DAB1: variants seen among roughly 807,000 people sequenced by gnomAD.
DAB1 encodes disabled homolog 1.
A neutral mutation model predicts 64.6 loss-of-function variants in DAB1; 15 were observed. The observed-to-expected ratio is 0.23, with a 90% CI of 0.16 to 0.36. The LOEUF is 0.36. Among genes scored for constraint, DAB1 ranks in the 10% least tolerant of loss-of-function variants. DAB1 has a pLI of 1.00. For missense variants in DAB1, 596 were observed against 706.7 expected (o/e 0.84, Z 1.78); for synonymous variants, 235 against 251.9 (o/e 0.93, Z 0.64).
At chr1:58,185,838 C>T (rs1421802325) in intron 4 of DAB1, among the ~76,000 whole-genome samples, 9 of 152,108 alleles carry the variant, frequency 5.9e-5, no homozygotes, top group African/African-American at 2.2e-4. Flanking sequence ...ATCTATATGA[C>T]CTTGGGCAAG....
intron 4 of DAB1, among the ~76,000 whole-genome samples, chr1:58,223,969 G>C (rs945421877): frequency 6.6e-6 from 1 of 152,166 alleles, no homozygotes; most frequent in Non-Finnish European, 1.5e-5. Flanking sequence ...TGGCCTATCT[G>C]CTCCTCCTGT....
At chr1:58,073,888 C>T (rs1649430474) in intron 5 of DAB1, among the ~76,000 whole-genome samples, 1 of 152,112 alleles carries the variant, frequency 6.6e-6, no homozygotes, top group African/African-American at 2.4e-5. Flanking sequence ...TGCTCACTCT[C>T]TAAGGGAAGC....
At chr1:57,502,493 T>C (rs1040669209) in intron 7 of DAB1, among the ~76,000 whole-genome samples, 6 of 152,138 alleles carry the variant, frequency 3.9e-5, no homozygotes, top group African/African-American at 1.4e-4. Context: ...TCCAATATCA[T>C]ATTTTACCCT....
intron 3 of DAB1, among the ~76,000 whole-genome samples, chr1:58,491,494 A>G (rs1359153860): frequency 5.3e-5 from 8 of 152,234 alleles, no homozygotes; most frequent in African/African-American, 1.9e-4. Context: ...GTCAAGACCC[A>G]TCAGTGTGCT....
rs113290720 is a variant in DAB1, at chr1:58,073,258, G to C, written n.387+77253C>G. ...TCACACATACTGTGTTGTCTGTCTG[G>C]AATACTGTTCTTTCCTCTCTCCTCT... On this transcript the variant is annotated intron_variant and non_coding_transcript_variant, in intron 5 of 20. Coordinates refer to the DAB1 transcript ENST00000485760. Among the ~76,000 whole-genome samples the C allele has an allele frequency of 8.0e-3, 1,224 of 152,190 alleles. 18 individuals are homozygous for C. The highest frequency in any genetic ancestry group is 0.026 in the African/African-American group (1,075 of 41,528).
chr1:57,625,193 A>G (rs969158929), intron 7 of DAB1, among the ~76,000 whole-genome samples: 6 of 151,976 alleles, frequency 3.9e-5, no homozygotes, highest in African/African-American at 1.2e-4. Context: ...TTCTTTTCAC[A>G]ACAGATTTCT....
At chr1:57,619,824 G>A (rs1435572725) in intron 7 of DAB1, among the ~76,000 whole-genome samples, 1 of 152,096 alleles carries the variant, frequency 6.6e-6, no homozygotes. Flanking sequence ...TGGGAAAATG[G>A]AGGTCAGGGA....
chr1:58,160,231 T>A (rs527246332), intron 4 of DAB1, among the ~76,000 whole-genome samples: 1 of 152,200 alleles, frequency 6.6e-6, no homozygotes, highest in South Asian at 2.1e-4. Flanking sequence ...CCAGTCTGTC[T>A]GTCTCTGAAT....
intron 4 of DAB1, among the ~76,000 whole-genome samples, chr1:57,097,051 C>A (rs923451145): frequency 6.6e-6 from 1 of 152,078 alleles, no homozygotes; most frequent in Non-Finnish European, 1.5e-5. Context: ...TTAATATATC[C>A]TCAGTACCCA....
intron 7 of DAB1, among the ~76,000 whole-genome samples, chr1:57,602,495 T>C (rs1474092589): frequency 2.0e-5 from 3 of 152,172 alleles, no homozygotes; most frequent in African/African-American, 7.2e-5. Context: ...AAAATGTTTC[T>C]TGGTGAAGGA....
intron 7 of DAB1, among the ~76,000 whole-genome samples, chr1:57,611,934 CT>C (rs1163063895): frequency 1.3e-5 from 2 of 152,212 alleles, no homozygotes; most frequent in Non-Finnish European, 2.9e-5. Flanking sequence ...ACCCACCCCC[CT>C]GCCAACTGTT....
chr1:57,954,539 T>C (rs1215638009), intron 5 of DAB1, among the ~76,000 whole-genome samples: 1 of 151,990 alleles, frequency 6.6e-6, no homozygotes, highest in South Asian at 2.1e-4. Context: ...TAGGAAAAAG[T>C]AGAGACTACA....
chr1:57,023,725 C>G, intron 10 of DAB1, 86 bp from the exon 11 acceptor site: 2 of 850,734 alleles, frequency 2.4e-6, no homozygotes, highest in Non-Finnish European at 3.9e-6. Context: ...GGAATTAAGG[C>G]GCAGGGGAAG....
At chr1:57,716,044 G>A (rs578190774) in intron 6 of DAB1, among the ~76,000 whole-genome samples, 24 of 152,184 alleles carry the variant, frequency 1.6e-4, no homozygotes, top group African/African-American at 5.8e-4. Context: ...TGAGAAGCTG[G>A]GATTACAGGC....
At chr1:58,476,154 A>G (rs1645416530) in intron 3 of DAB1, among the ~76,000 whole-genome samples, 1 of 152,216 alleles carries the variant, frequency 6.6e-6, no homozygotes, top group South Asian at 2.1e-4. Flanking sequence ...GCTATGTTTA[A>G]TATTTCAAAG....
intron 3 of DAB1, among the ~76,000 whole-genome samples, chr1:58,504,289 T>C (rs1323308192): frequency 6.6e-6 from 1 of 152,206 alleles, no homozygotes; most frequent in Non-Finnish European, 1.5e-5. Flanking sequence ...TCAGCCCCAA[T>C]GTCTTCCTTG....
intron 6 of DAB1, among the ~76,000 whole-genome samples, chr1:57,818,672 G>T (rs1239066118): frequency 2.6e-5 from 4 of 151,602 alleles, no homozygotes; most frequent in Non-Finnish European, 5.9e-5. Context: ...AACGGAAGTT[G>T]CCCAGAGTCA....
chr1:58,343,398 C>T (rs537149557), exon 4 of DAB1: 1 of 152,180 alleles, frequency 6.6e-6, no homozygotes, highest in South Asian at 2.1e-4. Flanking sequence ...TCAAGACTCA[C>T]CAAATCTGAA....
chr1:57,180,199 C>T (rs1662767079), intron 2 of DAB1, among the ~76,000 whole-genome samples: 1 of 152,166 alleles, frequency 6.6e-6, no homozygotes, highest in Non-Finnish European at 1.5e-5. Context: ...AAGGGGGGAT[C>T]CTCACTGAGT....
Sources: gnomAD v4.1 joint callset for allele counts (sites outside exome capture counted in the v4.1 genomes callset) on GRCh38, gnomAD v4.1.1 for gene constraint, MANE v1.5 for transcripts, NCBI Gene and HGNC (gene_info 2026-07-23, HGNC 2026-07-21) for gene names.